PRKDC: variants seen among roughly 807,000 people sequenced by gnomAD.
PRKDC encodes protein kinase, DNA-activated, catalytic subunit, also known as DNA-dependent protein kinase catalytic subunit.
A neutral mutation model predicts 486.9 loss-of-function variants in PRKDC; 82 were observed. The ratio of observed to expected loss-of-function variants is 0.17; its 90% CI spans 0.14 to 0.20. PRKDC has a LOEUF of 0.20. PRKDC is among the 10% of genes least tolerant of loss of function. The pLI, the probability that PRKDC is intolerant of heterozygous loss-of-function variation, is 1.00. For missense variants in PRKDC, 4,504 were observed against 5,038.2 expected, an observed-to-expected ratio of 0.89 and a Z score of 3.21; for synonymous variants, 1,895 against 1,837.0, an observed-to-expected ratio of 1.03 and a Z score of -0.81.
rs750222791 is a variant in PRKDC at position 47,864,546 on chromosome 8, C to T, written c.5571+10G>A. 57 of 1,598,192 alleles carry T rather than the reference C, an allele frequency of 3.6e-5. No individual in the cohort carries two copies. Among genetic ancestry groups the T allele is most frequent in the Non-Finnish European group, 4.4e-5 (52 of 1,172,542 alleles). On this transcript the variant is annotated intron_variant, in intron 41 of 85. Transcript: ENST00000314191. ...CTCACTTCTTATTACTGATTTAAGG[C>T]GTATGATACCTTTGTAAACCTGGAC...
chr8:47,955,237 C>T (rs2090682051), intron 4 of PRKDC, among the ~76,000 whole-genome samples: 1 of 151,122 alleles, frequency 6.6e-6, no homozygotes, highest in Non-Finnish European at 1.5e-5. Context: ...CCGAGGCGGG[C>T]GGATCACGAG....
chr8:47,934,881 TG>T lies in PRKDC; in HGVS notation c.1497+127del, dbSNP rs2090322254. 25 of 632,928 alleles carry T rather than the reference TG, an allele frequency of 3.9e-5. No individual in the cohort carries two copies. In the South Asian group the frequency reaches 5.4e-4, roughly 14 times the overall value. 39.2% of individuals were successfully genotyped at this position (632,928 alleles called of 1,614,324 possible). On this transcript the variant is annotated intron_variant, in intron 14 of 85. Coordinates refer to ENST00000314191, the MANE Select transcript of PRKDC (RefSeq NM_006904.7). ...GTATTATGTCCTACACTTTTCAAAATGTAAGGCATTGCTAATAACTAAGAAA... is the reference window on the plus strand; with the variant it reads ...GTATTATGTCCTACACTTTTCAAAATTAAGGCATTGCTAATAACTAAGAAA...
At chr8:47,958,432 C>G (rs990910668) in intron 1 of PRKDC, among the ~76,000 whole-genome samples, 1 of 152,138 alleles carries the variant, frequency 6.6e-6, no homozygotes, top group Non-Finnish European at 1.5e-5. Context: ...ACAGTGGGAA[C>G]TGTAAGAGTA....
chr8:47,940,676 A>C (rs553562324), intron 10 of PRKDC, among the ~76,000 whole-genome samples: 56 of 152,356 alleles, frequency 3.7e-4, no homozygotes, highest in Admixed American at 3.7e-3. Flanking sequence ...CTATAATGCT[A>C]ATTTTCTATT....
At chr8:47,943,920 A>C (rs56155417) in intron 8 of PRKDC, 37 bp from the exon 9 acceptor site, 2 of 1,572,630 alleles carry the variant, frequency 1.3e-6, no homozygotes, top group East Asian at 4.6e-5. Flanking sequence ...TCAGTATTTG[A>C]AAGTCTGCAC....
At chr8:47,907,406 A>ATC (rs1273849642) in intron 25 of PRKDC, among the ~76,000 whole-genome samples, 1 of 149,886 alleles carries the variant, frequency 6.7e-6, no homozygotes, top group African/African-American at 2.5e-5. Flanking sequence ...CTATATATAT[A>ATC]TATATACACA....
rs557290387 is a variant in PRKDC at position 47,797,227 on chromosome 8, C to T, written c.10458+1010G>A. Among the ~76,000 whole-genome samples the T allele has an allele frequency of 6.6e-5, 10 of 152,174 alleles. No homozygotes were observed. In the East Asian group the frequency reaches 1.7e-3, roughly 26 times the overall value. The stretch of plus-strand genomic sequence containing the variant: ...ACGTGTCTACTGGGTGTTTTGACAA[C>T]GTGGAGTGAATACTTCATGTCCTCA... On this transcript the variant is annotated intron_variant, in intron 73 of 85. Transcript: ENST00000314191.
rs373258150 is a variant in PRKDC, at chr8:47,837,324, A to G, written c.7649T>C (p.Ile2550Thr). 120 of 1,613,220 alleles carry G rather than the reference A, an allele frequency of 7.4e-5. No homozygotes were observed. Among genetic ancestry groups the G allele is most frequent in the Non-Finnish European group, 9.2e-5 (109 of 1,179,162 alleles). Reference sequence around the variant, plus strand: ...TGCTAAACTTAAAAAGTGCACTTCTATCTTAGGAGAATATAAGGAATTTAG... The same window carrying G: ...TGCTAAACTTAAAAAGTGCACTTCTGTCTTAGGAGAATATAAGGAATTTAG... ...LALNSLYSPK[I>T]EVHFLSLATN... The change falls in exon 57 of 86, where the codon ATA (isoleucine) becomes ACA (threonine). Residue 2550 changes from isoleucine to threonine, a missense_variant. This residue lies in a region of PRKDC where 1,592 missense variants were observed against 1,724.6 expected (regional missense o/e 0.92). Transcript: ENST00000314191.
intron 64 of PRKDC, among the ~76,000 whole-genome samples, 187 bp from the exon 65 acceptor site, chr8:47,821,979 T>C (rs1414646788): frequency 6.6e-6 from 1 of 152,038 alleles, no homozygotes; most frequent in Non-Finnish European, 1.5e-5. Flanking sequence ...AATCCTACAG[T>C]ACTAAATGAA....
intron 67 of PRKDC, 148 bp from the exon 68 acceptor site, chr8:47,817,709 T>C (rs1056131806): frequency 9.0e-6 from 5 of 557,874 alleles, no homozygotes; most frequent in East Asian, 8.4e-5. Context: ...AAAGTTACCA[T>C]ACTAAATTTA....
At position 47,783,849 on chromosome 8, in the gene PRKDC, G is replaced by A. The variant is rs750827733; in HGVS notation, c.11108-40C>T. On this transcript the variant is annotated intron_variant, in intron 77 of 85. Coordinates refer to ENST00000314191, the MANE Select transcript of PRKDC (RefSeq NM_006904.7). ...AACCTTGCTTAGGAACAGCTTGTTA[G>A]ACAACCGCCTGTATTTTAAAACATG... is the stretch of plus-strand genomic sequence containing the variant. 13 of 1,581,382 alleles carry A rather than the reference G, an allele frequency of 8.2e-6. No individual in the cohort carries two copies. The Admixed American group carries it at 1.8e-4, about 22-fold the overall frequency.
At position 47,800,898 on chromosome 8, in the gene PRKDC, T is replaced by C. The variant is rs1254539063; in HGVS notation, c.10011A>G (p.Ile3337Met). 2 of 1,613,836 alleles carry C rather than the reference T, an allele frequency of 1.2e-6. No homozygotes were observed. The highest frequency in any genetic ancestry group is 1.7e-6 in the Non-Finnish European group (2 of 1,179,892). ...CTGGCTCACTGCTGAGAGCATTCGC[T>C]ATGATCCTGTAAGTTGTACCCAAGA... ...NILLGTTYRI[I>M]ANALSSEPAC... is the part of the protein sequence containing the mutation. The change falls in exon 71 of 86, where the codon ATA (isoleucine) becomes ATG (methionine). Residue 3337 changes from isoleucine to methionine, a missense_variant. By Grantham distance (10) the Ile-to-Met change is conservative. This residue lies in a region of PRKDC where 1,592 missense variants were observed against 1,724.6 expected (regional missense o/e 0.92). Transcript: ENST00000314191.
chr8:47,893,029 T>C, intron 31 of PRKDC, 110 bp downstream of exon 31: 1 of 1,298,130 alleles, frequency 7.7e-7, no homozygotes, highest in Non-Finnish European at 1.0e-6. Context: ...ACGGGCAAGG[T>C]GGTGCACAGC....
chr8:47,957,636 A>T (rs1176928364), intron 1 of PRKDC, among the ~76,000 whole-genome samples: 1 of 151,936 alleles, frequency 6.6e-6, no homozygotes, highest in Non-Finnish European at 1.5e-5. Context: ...TCAGCCTCCC[A>T]AGTAGCTGGG....
rs2088560741 is a variant in PRKDC at position 47,857,158 on chromosome 8, T to C, written c.6607A>G (p.Thr2203Ala). ...ATAAAAGATGCATCAATCCTTACTG[T>C]TGGAGTGGCCAAGCCTGTCCATGAA... ...ILSWTGLATP[T>A]GVPKDEVLAN... Residue 2203 changes from threonine to alanine, a missense_variant and splice_region_variant, in exon 49 of 86, where the codon ACA becomes GCA. Transcript: ENST00000314191. The C allele has an allele frequency of 6.2e-7, 1 of 1,613,258 alleles. No individual in the cohort carries two copies. Among genetic ancestry groups the C allele is most frequent in the Non-Finnish European group, 8.5e-7 (1 of 1,179,602 alleles).
At chr8:47,827,282 T>C (rs991139697) in intron 62 of PRKDC, among the ~76,000 whole-genome samples, 2 of 152,148 alleles carry the variant, frequency 1.3e-5, no homozygotes, top group African/African-American at 4.8e-5. Context: ...CAGAAAAGTA[T>C]TAACCAATTC....
intron 15 of PRKDC, 108 bp from the exon 16 acceptor site, chr8:47,933,280 T>C (rs1446702631): frequency 6.6e-6 from 6 of 911,412 alleles, no homozygotes; most frequent in African/African-American, 3.5e-5. Context: ...TTGGGTATTA[T>C]GGAAACAGTG....
In PRKDC at chr8:47,953,919, A is replaced by G; in HGVS notation, c.509T>C (p.Val170Ala). Residue 170 changes from valine (V) to alanine (A), a missense_variant and splice_region_variant, in exon 6 of 86, where the codon GTT becomes GCT. Val to Ala is a moderately conservative substitution (Grantham distance 64). Transcript: ENST00000314191. ...LALKKKIPDT[V>A]LEKVYELLGL... The stretch of plus-strand genomic sequence containing the variant: ...TAGGAGCTCATATACTTTTTCTAAA[A>G]CTGAAAAGAAAATTTTAGACAAGTG... The G allele has an allele frequency of 6.6e-7, 1 of 1,516,082 alleles. No individual in the cohort carries two copies. The highest frequency in any genetic ancestry group is 8.9e-7 in the Non-Finnish European group (1 of 1,124,774). 93.9% of individuals were successfully genotyped at this position (1,516,082 alleles called of 1,614,324 possible).
chr8:47,883,285 T>C (rs1172836884), intron 36 of PRKDC, among the ~76,000 whole-genome samples: 2 of 152,240 alleles, frequency 1.3e-5, no homozygotes, highest in Non-Finnish European at 2.9e-5. Flanking sequence ...CATATGTCAT[T>C]CAATTTCTAG....
Sources: allele counts gnomAD v4.1 joint callset (sites outside exome capture counted in the v4.1 genomes callset), GRCh38; gene constraint gnomAD v4.1.1; regional missense constraint gnomAD v4.1.1; transcripts MANE v1.5; gene names NCBI Gene and HGNC (gene_info 2026-07-23, HGNC 2026-07-21).